The following GPHN variants were observed in gnomAD, a reference collection of about 807,000 sequenced individuals.
The protein encoded by GPHN is gephyrin.
A neutral mutation model predicts 95.5 loss-of-function variants in GPHN; 17 were observed. That is an observed-to-expected ratio of 0.18 (90% CI 0.12 to 0.27). GPHN has a LOEUF of 0.27. Ranked by LOEUF, GPHN falls within the 10% of genes least tolerant of loss-of-function variation. The pLI, the probability that GPHN is intolerant of heterozygous loss-of-function variation, is 1.00. For missense variants in GPHN, 660 were observed against 978.1 expected (o/e 0.67, Z 4.34); for synonymous variants, 320 against 322.5 (o/e 0.99, Z 0.08).
At chr14:67,498,505 A>G in the GPHN span, among the ~76,000 whole-genome samples, 1 of 152,166 alleles carries the variant, frequency 6.6e-6, no homozygotes, top group East Asian at 1.9e-4. Context: ...TTAAAAACTT[A>G]TATTTGCAAA....
At chr14:67,306,260 G>A in the GPHN span, among the ~76,000 whole-genome samples, 20 of 148,746 alleles carry the variant, frequency 1.3e-4, no homozygotes, top group South Asian at 2.2e-4. Flanking sequence ...ATGAGCCACC[G>A]AACCCGGCCT....
chr14:67,073,477 C>T (rs755093637), intron 11 of GPHN, among the ~76,000 whole-genome samples: 2 of 152,082 alleles, frequency 1.3e-5, no homozygotes, highest in South Asian at 4.1e-4. Flanking sequence ...TTCCTAAAAA[C>T]GTACCCCTTT....
chr14:67,695,804 G>C, the GPHN span: 1 of 1,114,688 alleles, frequency 9.0e-7, no homozygotes, highest in Non-Finnish European at 1.3e-6. Context: ...GCGACAGCCC[G>C]GGGAGCAGAC....
chr14:67,546,141 T>G, the GPHN span, among the ~76,000 whole-genome samples: 2 of 152,322 alleles, frequency 1.3e-5, no homozygotes, highest in Non-Finnish European at 2.9e-5. Context: ...CAGGTATTTT[T>G]ACTATATACA....
the GPHN span, among the ~76,000 whole-genome samples, chr14:67,539,688 G>A: frequency 6.6e-6 from 1 of 151,924 alleles, no homozygotes; most frequent in South Asian, 2.1e-4. Flanking sequence ...ATTTTTTTTG[G>A]ATGGGTAAAG....
At chr14:67,586,176 T>C in the GPHN span, 19 of 1,498,728 alleles carry the variant, frequency 1.3e-5, 1 homozygote, top group East Asian at 4.5e-5. Flanking sequence ...ACTGGGGTTA[T>C]GCTAGTGCTC....
chr14:67,175,063 T>C (rs1282452342), intron 21 of GPHN, among the ~76,000 whole-genome samples: 17 of 152,144 alleles, frequency 1.1e-4, no homozygotes, highest in Non-Finnish European at 1.6e-4. Context: ...TTTTGCTGTG[T>C]AGAAGCTCTT....
chr14:66,553,120 G>C (rs1207003054), intron 1 of GPHN, among the ~76,000 whole-genome samples: 4 of 151,840 alleles, frequency 2.6e-5, no homozygotes. Context: ...CTCTCAAGTA[G>C]CTGGGATTAC....
chr14:66,963,327 T>A (rs1168628047), intron 8 of GPHN, among the ~76,000 whole-genome samples: 1 of 152,074 alleles, frequency 6.6e-6, no homozygotes, highest in Non-Finnish European at 1.5e-5. Context: ...AGTGTATATA[T>A]GCAGTTATGT....
chr14:67,216,941 C>T, the GPHN span, among the ~76,000 whole-genome samples: 2 of 152,076 alleles, frequency 1.3e-5, no homozygotes, highest in African/African-American at 4.8e-5. Context: ...GTCTGTGATG[C>T]AGTTTAAATT....
chr14:67,043,026 T>C (rs528128310), intron 10 of GPHN, among the ~76,000 whole-genome samples: 36 of 152,344 alleles, frequency 2.4e-4, no homozygotes, highest in Admixed American at 2.0e-3. Flanking sequence ...GATTTGGCTC[T>C]CTGTTTGTCT....
the GPHN span, among the ~76,000 whole-genome samples, chr14:67,675,903 C>T: frequency 6.6e-6 from 1 of 151,868 alleles, no homozygotes; most frequent in Non-Finnish European, 1.5e-5. Flanking sequence ...CAAGACCAGC[C>T]TGGCCAACAT....
At chr14:67,662,596 T>C in the GPHN span, 4 of 1,427,186 alleles carry the variant, frequency 2.8e-6, no homozygotes, top group Non-Finnish European at 3.9e-6. Flanking sequence ...GTAAAGGCCA[T>C]TCCCTCTGCT....
At chr14:67,733,666 C>A in the GPHN span, 96,708 of 910,848 alleles carry the variant, frequency 0.11, 6,231 homozygotes, top group Non-Finnish European at 0.13. Context: ...CATTTAGAAA[C>A]ATTCTGAGAA....
intron 13 of GPHN, among the ~76,000 whole-genome samples, chr14:67,101,544 G>C (rs1489959473): frequency 6.6e-6 from 1 of 151,138 alleles, no homozygotes; most frequent in Non-Finnish European, 1.5e-5. Flanking sequence ...GAAGAACCAA[G>C]GTCTTCCTTT....
At chr14:66,693,436 ATAGG>A in intron 2 of GPHN, among the ~76,000 whole-genome samples, 1 of 152,328 alleles carries the variant, frequency 6.6e-6, no homozygotes, top group Non-Finnish European at 1.5e-5. Context: ...TGATAGATAG[ATAGG>A]TAGATACATA....
At chr14:66,847,753 G>A (rs2062395787) in intron 4 of GPHN, among the ~76,000 whole-genome samples, 1 of 152,082 alleles carries the variant, frequency 6.6e-6, no homozygotes, top group Non-Finnish European at 1.5e-5. Context: ...TCCATAAAAT[G>A]AAGTGAAACT....
At chr14:67,549,675 A>G in the GPHN span, among the ~76,000 whole-genome samples, 1 of 152,190 alleles carries the variant, frequency 6.6e-6, no homozygotes, top group East Asian at 1.9e-4. Flanking sequence ...GTGCTCGTGA[A>G]CCATTTGAGA....
chr14:67,307,854 C>T, the GPHN span, among the ~76,000 whole-genome samples: 6 of 151,740 alleles, frequency 4.0e-5, no homozygotes, highest in South Asian at 2.1e-4. Flanking sequence ...ATGATAGATT[C>T]GATAAAGAAA....
Sources: allele counts gnomAD v4.1 joint callset (sites outside exome capture counted in the v4.1 genomes callset), GRCh38; gene constraint gnomAD v4.1.1; transcripts MANE v1.5; gene names NCBI Gene and HGNC (gene_info 2026-07-23, HGNC 2026-07-21).